Variants in ADGRE1 observed in about 807,000 individuals in gnomAD.
The protein encoded by ADGRE1 is adhesion G protein-coupled receptor E1.
A neutral mutation model predicts 102.7 loss-of-function variants in ADGRE1; 82 were observed. The ratio of observed to expected loss-of-function variants is 0.80; its 90% CI spans 0.67 to 0.96. The LOEUF (loss-of-function observed/expected upper bound fraction) is 0.96. Among genes scored for constraint, ADGRE1 ranks in the 40% least tolerant of loss-of-function variants. The pLI, the probability that ADGRE1 is intolerant of heterozygous loss-of-function variation, is 0.00. For synonymous variants in ADGRE1, 398 were observed against 399.6 expected, an observed-to-expected ratio of 1.00 and a Z score of 0.05; for missense variants, 1,032 against 1,085.3, an observed-to-expected ratio of 0.95 and a Z score of 0.69.
intron 16 of ADGRE1, among the ~76,000 whole-genome samples, chr19:6,927,683 C>T (rs1974978193): frequency 6.6e-6 from 1 of 151,894 alleles, no homozygotes; most frequent in Non-Finnish European, 1.5e-5. Flanking sequence ...TATCTTGAGA[C>T]AGAGTTTTGC....
chr19:6,915,332 C>A (rs772411420), intron 11 of ADGRE1, among the ~76,000 whole-genome samples: 1 of 152,120 alleles, frequency 6.6e-6, no homozygotes, highest in Non-Finnish European at 1.5e-5. Flanking sequence ...GATGAAAGGA[C>A]ATTGGAAAAT....
Position 6,908,664 on chromosome 19 carries a change from CTTTTT to C in ADGRE1, c.1039-16_1039-12del. The C allele has an allele frequency of 7.4e-7, 1 of 1,350,590 alleles. No homozygotes were observed. Among genetic ancestry groups the C allele is most frequent in the African/African-American group, 1.5e-5 (1 of 66,152 alleles). 83.7% of individuals were successfully genotyped at this position (1,350,590 alleles called of 1,614,324 possible). On this transcript the variant is annotated intron_variant, in intron 9 of 20. Transcript: ENST00000312053. ...ACATCGATTCATGCTCACAAATGCT[CTTTTT>C]TTTTTTTTCTGGGACGCAGGTCTCC...
At chr19:6,891,845 G>A (rs1023048815) in intron 2 of ADGRE1, among the ~76,000 whole-genome samples, 3 of 152,066 alleles carry the variant, frequency 2.0e-5, no homozygotes, top group South Asian at 2.1e-4. Flanking sequence ...TGGATGAATT[G>A]ATGTTACCCA....
At chr19:6,933,258 C>A (rs1053719797) in intron 17 of ADGRE1, among the ~76,000 whole-genome samples, 12 of 152,182 alleles carry the variant, frequency 7.9e-5, no homozygotes, top group African/African-American at 1.2e-4. Flanking sequence ...CTTACCCATT[C>A]CCAAATCTTC....
chr19:6,890,967 A>C (rs1173907287), intron 2 of ADGRE1, among the ~76,000 whole-genome samples: 2 of 152,148 alleles, frequency 1.3e-5, no homozygotes, highest in Non-Finnish European at 2.9e-5. Context: ...AAATACTCTC[A>C]TCTACATAAA....
rs557991857 is a variant in ADGRE1, at chr19:6,891,504, A to G, written c.94+961A>G. 4.7e-5 allele frequency among the ~76,000 whole-genome samples: 7 copies of G among 148,562 alleles called. No individual in the cohort carries two copies. In the East Asian group the frequency reaches 1.4e-3, roughly 29 times the overall value. On this transcript the variant is annotated intron_variant, in intron 2 of 20. Coordinates refer to ENST00000312053, the MANE Select transcript of ADGRE1 (RefSeq NM_001974.5). The stretch of plus-strand genomic sequence containing the variant: ...ATTCTCGCTCTGTTGCCCAGGCTGG[A>G]GTGCAGTGGTGCGATCTCGGTTCAC...
At chr19:6,936,565 G>T (rs1193604904) in intron 18 of ADGRE1, among the ~76,000 whole-genome samples, 1 of 149,358 alleles carries the variant, frequency 6.7e-6, no homozygotes, top group African/African-American at 2.5e-5. Flanking sequence ...GTGTAACTCG[G>T]TGGCTTTTCG....
chr19:6,935,075 C>T lies in ADGRE1; in HGVS notation c.2378C>T (p.Thr793Ile). ...VNAEVSTLKDTRLLTFKAFAQ... is the reference protein window; with the variant it reads ...VNAEVSTLKDIRLLTFKAFAQ... Reference sequence around the variant, plus strand: ...GCCGAAGTCTCAACGCTAAAAGACACCAGGTAAAGCCCTCTTTCACCTCCC... The same window carrying T: ...GCCGAAGTCTCAACGCTAAAAGACATCAGGTAAAGCCCTCTTTCACCTCCC... Residue 793 changes from threonine to isoleucine, a missense_variant, in exon 18 of 21, where the codon ACC (threonine) becomes ATC (isoleucine). Thr to Ile is a moderately conservative substitution (Grantham distance 89, BLOSUM62 -1). Coordinates refer to ENST00000312053, the MANE Select transcript of ADGRE1 (RefSeq NM_001974.5). 2 of 1,580,102 alleles carry T rather than the reference C, an allele frequency of 1.3e-6. No individual in the cohort carries two copies. The highest frequency in any genetic ancestry group is 1.9e-5 in the Admixed American group (1 of 53,868).
intron 14 of ADGRE1, among the ~76,000 whole-genome samples, chr19:6,922,616 A>T (rs1256853463): frequency 0.014 from 1,031 of 71,582 alleles, 8 homozygotes; most frequent in Non-Finnish European, 0.018. Context: ...TCTGTCTCAC[A>T]CACACACACA....
chr19:6,902,902 A>G (rs914918993), intron 6 of ADGRE1, among the ~76,000 whole-genome samples: 3 of 152,178 alleles, frequency 2.0e-5, no homozygotes, highest in Admixed American at 2.0e-4. Flanking sequence ...ATGCCCAGCT[A>G]ATTTTTTATT....
intron 5 of ADGRE1, chr19:6,897,914 TTTCCTTCCTTCCTTCC>T (rs5826951): frequency 1.2e-3 from 188 of 159,276 alleles, no homozygotes; most frequent in East Asian, 3.0e-3. Context: ...GCAAACATGA[TTTCCTTCCTTCCTTCC>T]TTCCTTCCTT....
At chr19:6,920,515 G>GTTTTTTTTT (rs1568355076) in intron 13 of ADGRE1, among the ~76,000 whole-genome samples, 2 of 67,980 alleles carry the variant, frequency 2.9e-5, no homozygotes, top group Non-Finnish European at 6.8e-5. Context: ...CACCATGCCC[G>GTTTTTTTTT]CTTTTTTTTT....
chr19:6,932,339 A>G (rs1392366988), intron 17 of ADGRE1, among the ~76,000 whole-genome samples: 2 of 152,042 alleles, frequency 1.3e-5, no homozygotes, highest in East Asian at 1.9e-4. Context: ...GTGGTGGTGC[A>G]CGCCTGTAGT....
At chr19:6,888,288 G>A (rs137931822) in intron 1 of ADGRE1, among the ~76,000 whole-genome samples, 3 of 152,316 alleles carry the variant, frequency 2.0e-5, no homozygotes, top group African/African-American at 7.2e-5. Flanking sequence ...GTTATAGAAT[G>A]TGGTCGGGAG....
chr19:6,897,010 C>G, intron 3 of ADGRE1, 139 bp from the exon 4 acceptor site: 4 of 833,028 alleles, frequency 4.8e-6, no homozygotes, highest in Non-Finnish European at 5.4e-6. Flanking sequence ...ACATACCTTC[C>G]ATTGCTTGAC....
intron 5 of ADGRE1, chr19:6,897,957 CCTT>C (rs1226298207): frequency 1.1e-5 from 2 of 183,180 alleles, no homozygotes; most frequent in Non-Finnish European, 2.2e-5. Flanking sequence ...TTCCTTCCTT[CCTT>C]CCTACTTCCC....
intron 17 of ADGRE1, 49 bp downstream of exon 17, chr19:6,928,260 C>G: frequency 6.2e-7 from 1 of 1,613,830 alleles, no homozygotes; most frequent in South Asian, 1.1e-5. Context: ...GAAGGAGGAG[C>G]AAGGAGACCT....
At chr19:6,893,497 G>A (rs1305737360) in intron 2 of ADGRE1, among the ~76,000 whole-genome samples, 2 of 152,156 alleles carry the variant, frequency 1.3e-5, no homozygotes, top group African/African-American at 2.4e-5. Context: ...CATCACGCCT[G>A]CCCGATTTCA....
intron 10 of ADGRE1, among the ~76,000 whole-genome samples, chr19:6,908,995 A>G (rs960256477): frequency 6.6e-6 from 1 of 151,980 alleles, no homozygotes; most frequent in African/African-American, 2.4e-5. Context: ...TTAGCCGGGC[A>G]TGGTGGCAGG....
Sources: gnomAD v4.1 joint callset for allele counts (sites outside exome capture counted in the v4.1 genomes callset) on GRCh38, gnomAD v4.1.1 for gene constraint, MANE v1.5 for transcripts, NCBI Gene and HGNC (gene_info 2026-07-23, HGNC 2026-07-21) for gene names.